Variants in PCDHA5 observed in about 807,000 individuals in gnomAD.
PCDHA5 encodes the protein protocadherin alpha 5, also known as protocadherin alpha-5.
A neutral mutation model predicts 61.6 loss-of-function variants in PCDHA5; 43 were observed. The ratio of observed to expected loss-of-function variants is 0.70; its 90% CI spans 0.55 to 0.90. The LOEUF (loss-of-function observed/expected upper bound fraction) is 0.90. PCDHA5 is among the 40% of genes least tolerant of loss of function. The probability of loss-of-function intolerance (pLI) is 0.00; values close to 1 mark genes in which losing one functional copy is unlikely to be tolerated. For missense variants in PCDHA5, 1,298 were observed against 1,222.7 expected (o/e 1.06, Z -0.92); for synonymous variants, 627 against 543.9 (o/e 1.15, Z -2.13).
At chr5:140,856,151 T>C (rs2043811735) in intron 1 of PCDHA5, 2 of 1,598,312 alleles carry the variant, frequency 1.3e-6, no homozygotes, top group Middle Eastern at 1.7e-4. Context: ...CTACTCAGTC[T>C]ACGAGGAGGC....
chr5:140,889,029 G>A (rs540289378), intron 1 of PCDHA5, among the ~76,000 whole-genome samples: 8 of 151,946 alleles, frequency 5.3e-5, no homozygotes, highest in African/African-American at 1.2e-4. Flanking sequence ...TTGGATAACC[G>A]TAATTTGATT....
At chr5:140,966,654 T>G (rs1048894569) in intron 1 of PCDHA5, 2 of 1,185,100 alleles carry the variant, frequency 1.7e-6, no homozygotes, top group Non-Finnish European at 2.2e-6. Flanking sequence ...GCGTGAGCGG[T>G]GGGGGAGCAG....
chr5:140,870,485 T>C lies in PCDHA5; in HGVS notation c.2352+46358T>C, dbSNP rs1388283363. 1 of 1,614,118 alleles carries C rather than the reference T, an allele frequency of 6.2e-7. No homozygotes were observed. Among genetic ancestry groups the C allele is most frequent in the South Asian group, 1.1e-5 (1 of 91,094 alleles). On this transcript the variant is annotated intron_variant, in intron 1 of 3. Coordinates refer to ENST00000529859, the MANE Select transcript of PCDHA5 (RefSeq NM_018908.3). The stretch of plus-strand genomic sequence containing the variant: ...GCGTTCGCACAGCCCGAGTACACCG[T>C]GTTCGTGAAGGAGAACAACCCACCA...
rs2150140875 is a variant in PCDHA5 at position 140,825,709 on chromosome 5, A to T, written c.2352+1582A>T. The T allele has an allele frequency of 8.5e-5, 13 of 152,476 alleles. No homozygotes were observed. In the South Asian group the frequency reaches 2.7e-3, roughly 32 times the overall value. 9.4% of individuals were successfully genotyped at this position (152,476 alleles called of 1,614,324 possible). ...AGTGCTGGGATTGCAGGCATGAGCC[A>T]TCGCGCCTGGCCTAAATTATTATAT... On this transcript the variant is annotated intron_variant, in intron 1 of 3. Coordinates refer to ENST00000529859, the MANE Select transcript of PCDHA5 (RefSeq NM_018908.3).
Position 140,982,515 on chromosome 5 carries a change from C to A in PCDHA5, c.2452C>A (p.Pro818Thr), listed in dbSNP as rs1278779763. ...LEEAGILRAG[P>T]GGPDQQWPTV... ...GGAGGCTGGCATTCTACGGGCTGGT[C>A]CAGGAGGGCCTGATCAGCAGTGGCC... Residue 818 changes from proline (P) to threonine (T), a missense_variant, in exon 3 of 4, where the codon CCA becomes ACA. Pro to Thr is a conservative substitution (Grantham distance 38, BLOSUM62 -1). Transcript: ENST00000529859. 3 of 1,614,058 alleles carry A rather than the reference C, an allele frequency of 1.9e-6. No individual in the cohort carries two copies. Among genetic ancestry groups the A allele is most frequent in the Middle Eastern group, 1.6e-4 (1 of 6,080 alleles).
rs140727388 is a variant in PCDHA5, at chr5:140,974,245, C to G, written c.2353-4704C>G. Among the ~76,000 whole-genome samples, 191 of 152,268 alleles carry G rather than the reference C, an allele frequency of 1.3e-3. 1 individual carries two copies. The highest frequency in any genetic ancestry group is 4.3e-3 in the African/African-American group (179 of 41,572). Reference sequence around the variant, plus strand: ...ATCTTAGTTCCTTGGCATATAAGCACCATCAGTTCCTTTCTGGCCTTCCAG... The same window carrying G: ...ATCTTAGTTCCTTGGCATATAAGCAGCATCAGTTCCTTTCTGGCCTTCCAG... On this transcript the variant is annotated intron_variant, in intron 1 of 3. Transcript: ENST00000529859.
chr5:140,853,445 A>G, intron 1 of PCDHA5: 1 of 981,870 alleles, frequency 1.0e-6, no homozygotes, highest in Non-Finnish European at 1.2e-6. Flanking sequence ...ATTTTGCCTA[A>G]TAGGTCTCCT....
intron 1 of PCDHA5, chr5:140,876,669 C>T: frequency 6.2e-7 from 1 of 1,614,186 alleles, no homozygotes; most frequent in Non-Finnish European, 8.5e-7. Context: ...AGCTGGTGTC[C>T]ACCTACAAGA....
intron 3 of PCDHA5, among the ~76,000 whole-genome samples, chr5:140,992,118 G>C (rs1554252679): frequency 1.3e-5 from 2 of 151,650 alleles, no homozygotes; most frequent in Non-Finnish European, 2.9e-5. Flanking sequence ...ATGTGTCATG[G>C]AAGAACAGTG....
At chr5:141,003,122 C>A (rs782642950) in intron 3 of PCDHA5, among the ~76,000 whole-genome samples, 57 of 152,318 alleles carry the variant, frequency 3.7e-4, no homozygotes, top group African/African-American at 9.6e-4. Context: ...TGGCCCTTTC[C>A]TGGCATTTGC....
At chr5:140,885,291 G>A (rs1554182107) in intron 1 of PCDHA5, among the ~76,000 whole-genome samples, 6 of 152,132 alleles carry the variant, frequency 3.9e-5, no homozygotes, top group Non-Finnish European at 8.8e-5. Context: ...TATATAGAGA[G>A]AGACCTGGTA....
intron 1 of PCDHA5, chr5:140,850,880 A>T (rs2150501340): frequency 6.3e-7 from 1 of 1,586,802 alleles, no homozygotes; most frequent in African/African-American, 1.4e-5. Flanking sequence ...CCTCAGATTC[A>T]ACTGGGAAGG....
chr5:140,872,381 A>G (rs1211312378), intron 1 of PCDHA5, among the ~76,000 whole-genome samples: 2 of 152,058 alleles, frequency 1.3e-5, no homozygotes, highest in Non-Finnish European at 2.9e-5. Context: ...AATCCCAGCT[A>G]TTTGGGAGGC....
intron 1 of PCDHA5, chr5:140,927,374 ACAGCCTAAGCCCCAGT>A: frequency 6.2e-7 from 1 of 1,614,100 alleles, no homozygotes; most frequent in Non-Finnish European, 8.5e-7. Flanking sequence ...ATACTAAGCT[ACAGCCTAAGCCCCAGT>A]CAGCACTTTC....
intron 1 of PCDHA5, chr5:140,877,772 C>A (rs372461540): frequency 1.2e-6 from 2 of 1,614,152 alleles, no homozygotes; most frequent in Non-Finnish European, 1.7e-6. Context: ...CCGCCCAAGA[C>A]GGACCTCATG....
chr5:140,876,976 C>G lies in PCDHA5; in HGVS notation c.2352+52849C>G, dbSNP rs782283591. 6 of 1,612,586 alleles carry G rather than the reference C, an allele frequency of 3.7e-6. No homozygotes were observed. In the Admixed American group the frequency reaches 5.0e-5, roughly 13 times the overall value. ...GCTGGTGGAGCGGCGGGTGGGCGAG[C>G]ACGCACTGTCGAGCTACGTGTCGGT... On this transcript the variant is annotated intron_variant, in intron 1 of 3. Transcript: ENST00000529859.
In PCDHA5 at chr5:140,823,862, A is replaced by G. The variant is rs2150129786; in HGVS notation, c.2087A>G (p.Asn696Ser). 2 of 1,613,814 alleles carry G rather than the reference A, an allele frequency of 1.2e-6. No individual in the cohort carries two copies. The highest frequency in any genetic ancestry group is 3.3e-5 in the Admixed American group (2 of 60,028). ...CCCGAGGCTGCCCTGGTGGATGTCA[A>G]CGTGTACCTGATCATCGCCATCTGT... ...VGPEAALVDVNVYLIIAICAV... is the reference protein window; with the variant it reads ...VGPEAALVDVSVYLIIAICAV... The change falls in exon 1 of 4, where the codon AAC becomes AGC. Residue 696 changes from asparagine (N) to serine (S), a missense_variant. Coordinates refer to ENST00000529859, the MANE Select transcript of PCDHA5 (RefSeq NM_018908.3).
At chr5:140,962,438 GATGGCTTGAATCTCTT>G (rs1298191516) in intron 1 of PCDHA5, among the ~76,000 whole-genome samples, 11 of 152,108 alleles carry the variant, frequency 7.2e-5, no homozygotes, top group East Asian at 5.8e-4. Flanking sequence ...CTTATCCAAA[GATGGCTTGAATCTCTT>G]ATGGCTTGAA....
intron 1 of PCDHA5, among the ~76,000 whole-genome samples, chr5:140,838,390 C>T (rs1554137063): frequency 6.6e-6 from 1 of 150,926 alleles, no homozygotes; most frequent in African/African-American, 2.5e-5. Flanking sequence ...TCCCAATGTG[C>T]TGGGATTACA....
Sources: gnomAD v4.1 joint callset for allele counts (sites outside exome capture counted in the v4.1 genomes callset) on GRCh38, gnomAD v4.1.1 for gene constraint, MANE v1.5 for transcripts, NCBI Gene and HGNC (gene_info 2026-07-23, HGNC 2026-07-21) for gene names.